Variants in PCSK4 observed in about 807,000 individuals in gnomAD.
PCSK4 encodes testicular tissue protein Li 135.
A neutral mutation model predicts 80.3 loss-of-function variants in PCSK4; 64 were observed. That is an observed-to-expected ratio of 0.80 (90% CI 0.65 to 0.98). The LOEUF is 0.98. PCSK4 is among the 50% of genes least tolerant of loss of function. The pLI, the probability that PCSK4 is intolerant of heterozygous loss-of-function variation, is 0.00. For missense variants in PCSK4, 1,213 were observed against 1,093.6 expected (o/e 1.11, Z -1.54); for synonymous variants, 561 against 487.6 (o/e 1.15, Z -1.98).
chr19:1,482,140 G>A, exon 15 of PCSK4: 1 of 1,558,892 alleles, frequency 6.4e-7, no homozygotes, highest in Non-Finnish European at 8.6e-7. Flanking sequence ...GCCTTGTGTG[G>A]TTGAAGAACC....
At chr19:1,482,043 C>T (rs774810652) in exon 15 of PCSK4, 16 of 1,560,856 alleles carry the variant, frequency 1.0e-5, no homozygotes, top group Middle Eastern at 4.0e-4. Flanking sequence ...CTCGGGGAGC[C>T]GCCGCGGCAG....
chr19:1,487,644 C>G, exon 6 of PCSK4: 2 of 1,554,704 alleles, frequency 1.3e-6, no homozygotes, highest in Non-Finnish European at 1.7e-6. Context: ...ACCACAGAAG[C>G]CATTGTTGGC....
chr19:1,486,205 G>A (rs574822538), intron 8 of PCSK4, among the ~76,000 whole-genome samples: 42 of 151,938 alleles, frequency 2.8e-4, no homozygotes, highest in African/African-American at 9.4e-4. Flanking sequence ...CTGAACTCTT[G>A]ACCTCAGGTG....
At chr19:1,483,382 G>T in exon 12 of PCSK4, 1 of 1,606,696 alleles carries the variant, frequency 6.2e-7, no homozygotes. Flanking sequence ...GCGCCTGCAC[G>T]TGCTCCAGCG....
At chr19:1,484,065 T>G (rs1454861415) in exon 9 of PCSK4, 1 of 1,563,698 alleles carries the variant, frequency 6.4e-7, no homozygotes. Context: ...CGGCCGCCAG[T>G]GGGGCTGAGG....
chr19:1,481,929 A>T, exon 15 of PCSK4: 1 of 1,595,444 alleles, frequency 6.3e-7, no homozygotes. Flanking sequence ...TGGTGGGGAC[A>T]GGCGGCAGCT....
chr19:1,489,939 C>T (rs1347943377), intron 1 of PCSK4, 42 bp from the exon 2 acceptor site: 1 of 1,566,914 alleles, frequency 6.4e-7, no homozygotes, highest in African/African-American at 1.4e-5. Context: ...GGACCCGGCT[C>T]CCCTGCTGAA....
chr19:1,490,332 C>CAAT (rs1284676469), exon 1 of PCSK4: 4 of 1,322,530 alleles, frequency 3.0e-6, no homozygotes, highest in Non-Finnish European at 4.1e-6. Flanking sequence ...ACAGCGCAAT[C>CAAT]GGGGCGGGCC....
exon 12 of PCSK4, chr19:1,483,396 G>C (rs763393336): frequency 3.7e-6 from 6 of 1,604,872 alleles, no homozygotes; most frequent in Non-Finnish European, 5.1e-6. Context: ...TCCAGCGAGC[G>C]GATGGAGTTG....
exon 12 of PCSK4, chr19:1,483,351 G>T: frequency 6.2e-7 from 1 of 1,609,986 alleles, no homozygotes; most frequent in Non-Finnish European, 8.5e-7. Context: ...TCTCCGCGCC[G>T]GCTGTAGGAC....
rs374389682 is a variant in PCSK4, at chr19:1,486,389, C to G, written c.1068+464G>C. Among the ~76,000 whole-genome samples, 18 of 147,664 alleles carry G rather than the reference C, an allele frequency of 1.2e-4. 1 individual carries two copies. The highest frequency in any genetic ancestry group is 4.5e-4 in the African/African-American group (18 of 39,876). On this transcript the variant is annotated intron_variant, in intron 8 of 14. Transcript: ENST00000300954. ...TCGGCTCACTGCAAACCCTGCCTCC[C>G]GGGTTCATGCCATTCTCCTGCCTCA...
intron 8 of PCSK4, 79 bp from the exon 9 acceptor site, chr19:1,484,206 G>A: frequency 2.4e-6 from 2 of 836,304 alleles, no homozygotes; most frequent in South Asian, 1.5e-5. Context: ...ACCAAGGACT[G>A]GGCGGGCGCA....
At chr19:1,483,510 T>TGGGG in intron 11 of PCSK4, 47 bp from the exon 12 acceptor site, 1 of 520,250 alleles carries the variant, frequency 1.9e-6, no homozygotes, top group Non-Finnish European at 2.8e-6. Context: ...TGCTGGGGGG[T>TGGGG]GGGTGGGCGG....
chr19:1,488,234 G>A (rs1441917831), exon 3 of PCSK4: 8 of 1,612,756 alleles, frequency 5.0e-6, no homozygotes, highest in Non-Finnish European at 6.8e-6. Context: ...CACCACGACA[G>A]AGCGTTTCAC....
exon 14 of PCSK4, chr19:1,482,387 C>T (rs767170599): frequency 8.3e-6 from 13 of 1,560,088 alleles, no homozygotes; most frequent in East Asian, 4.8e-5. Flanking sequence ...GCTGCACACA[C>T]GCGCTGCTGG....
At chr19:1,482,942 G>C in exon 13 of PCSK4, 2 of 1,459,402 alleles carry the variant, frequency 1.4e-6, no homozygotes, top group Non-Finnish European at 1.8e-6. Flanking sequence ...GGGTCCACAC[G>C]CCCTGTGGGT....
At chr19:1,489,551 CCA>C in intron 2 of PCSK4, 1 of 602,252 alleles carries the variant, frequency 1.7e-6, no homozygotes, top group Non-Finnish European at 2.8e-6. Context: ...CCCCTGGGGC[CCA>C]GAGGAGGGAG....
intron 13 of PCSK4, 52 bp downstream of exon 13, chr19:1,482,844 G>A: frequency 6.3e-7 from 1 of 1,594,952 alleles, no homozygotes; most frequent in East Asian, 2.2e-5. Flanking sequence ...GAGCCCCTGG[G>A]GGGAGGTTGG....
chr19:1,481,728 G>A (rs767440720), exon 15 of PCSK4: 39 of 1,442,094 alleles, frequency 2.7e-5, no homozygotes, highest in South Asian at 4.4e-5. Flanking sequence ...GGACCCAGGC[G>A]GGGGCAAGGT....
Sources: allele counts gnomAD v4.1 joint callset (sites outside exome capture counted in the v4.1 genomes callset), GRCh38; gene constraint gnomAD v4.1.1; transcripts MANE v1.5; gene names NCBI Gene and HGNC (gene_info 2026-07-23, HGNC 2026-07-21).